The following STOX2 variants were observed in gnomAD, a reference collection of about 807,000 sequenced individuals.
The protein encoded by STOX2 is storkhead-box protein 2.
Under a neutral mutation model 60.9 loss-of-function variants are expected in STOX2, and 28 were observed. The ratio of observed to expected loss-of-function variants is 0.46; its 90% CI spans 0.34 to 0.63. The LOEUF is 0.63. Ranked by LOEUF, STOX2 falls within the 30% of genes least tolerant of loss-of-function variation. The probability of loss-of-function intolerance (pLI) is 0.01; values close to 1 mark genes in which losing one functional copy is unlikely to be tolerated. For missense variants in STOX2, 1,024 were observed against 1,187.7 expected (o/e 0.86, Z 2.03); for synonymous variants, 472 against 463.9 (o/e 1.02, Z -0.22).
chr4:183,992,123 A>G (rs1465363813), intron 1 of STOX2, among the ~76,000 whole-genome samples: 2 of 152,090 alleles, frequency 1.3e-5, no homozygotes, highest in African/African-American at 2.4e-5. Flanking sequence ...AATGACCTCC[A>G]TGGCAGTTGG....
At chr4:183,922,789 T>G (rs1313680985) in intron 1 of STOX2, among the ~76,000 whole-genome samples, 1 of 152,128 alleles carries the variant, frequency 6.6e-6, no homozygotes, top group Non-Finnish European at 1.5e-5. Flanking sequence ...ACACTAACTC[T>G]CGGTCCTCCC....
At chr4:183,937,466 C>CA in intron 1 of STOX2, among the ~76,000 whole-genome samples, 1 of 152,190 alleles carries the variant, frequency 6.6e-6, no homozygotes, top group Non-Finnish European at 1.5e-5. Context: ...GAGACCTTGG[C>CA]ACTTGCTTAG....
At chr4:183,934,627 G>A (rs909939413) in intron 1 of STOX2, among the ~76,000 whole-genome samples, 1 of 152,040 alleles carries the variant, frequency 6.6e-6, no homozygotes, top group Non-Finnish European at 1.5e-5. Flanking sequence ...TTGATTTAGA[G>A]CAGCAGTTCT....
chr4:183,858,135 C>T (rs1285305147), intron 1 of STOX2, among the ~76,000 whole-genome samples: 1 of 152,148 alleles, frequency 6.6e-6, no homozygotes, highest in Non-Finnish European at 1.5e-5. Context: ...TCAGGGGGCA[C>T]CATGCCTGAC....
chr4:184,005,297 T>TA (rs1257655191), intron 2 of STOX2, among the ~76,000 whole-genome samples: 6 of 151,818 alleles, frequency 4.0e-5, no homozygotes, highest in East Asian at 1.9e-4. Context: ...TTGTCTCTAC[T>TA]AAAAAATACA....
intron 1 of STOX2, among the ~76,000 whole-genome samples, chr4:183,799,384 T>C (rs1738709076): frequency 6.6e-6 from 1 of 152,220 alleles, no homozygotes; most frequent in Admixed American, 6.5e-5. Context: ...AGACTTAACT[T>C]GCTTTTGCCC....
chr4:183,909,186 C>T (rs865992777), intron 1 of STOX2, among the ~76,000 whole-genome samples: 69 of 152,110 alleles, frequency 4.5e-4, no homozygotes, highest in Middle Eastern at 3.2e-3. Flanking sequence ...TCATCTATTT[C>T]CTTTACAAAT....
At chr4:183,976,807 G>A (rs994169137) in intron 1 of STOX2, among the ~76,000 whole-genome samples, 1 of 152,136 alleles carries the variant, frequency 6.6e-6, no homozygotes, top group African/African-American at 2.4e-5. Context: ...GGATGTTCAC[G>A]TTTACCATTC....
Position 184,009,877 on chromosome 4 carries a change from G to A in STOX2, c.1039G>A (p.Ala347Thr). The change falls in exon 3 of 4, where the codon GCC becomes ACC. Residue 347 changes from alanine (A) to threonine (T), a missense_variant. Coordinates refer to ENST00000308497, the MANE Select transcript of STOX2 (RefSeq NM_020225.3). This position sits in a 1 kb window ranked among gnomAD's most constrained non-coding sequence, Gnocchi z 4.0. ...AGAAGAAAAGGCCCAGAGGAGTAAA[G>A]CCGGGTCCTCTGCCCATCACAGCGG... ...LEEEKAQRSK[A>T]GSSAHHSGRS... 3 of 1,611,936 alleles carry A rather than the reference G, an allele frequency of 1.9e-6. No individual in the cohort carries two copies. The highest frequency in any genetic ancestry group is 8.5e-7 in the Non-Finnish European group (1 of 1,178,994).
Position 184,010,210 on chromosome 4 carries a change from C to T in STOX2, c.1372C>T (p.Pro458Ser). ...KRRTEMPFPE[P>S]SRGSSHSKVH... ...GAGAACTGAGATGCCTTTTCCTGAA[C>T]CTTCTAGGGGAAGCTCCCACTCAAA... The change falls in exon 3 of 4, where the codon CCT becomes TCT. Residue 458 changes from proline (P) to serine (S), a missense_variant. Transcript: ENST00000308497. This position sits in a 1 kb window ranked among gnomAD's most constrained non-coding sequence, Gnocchi z 4.5. 1.3e-6 allele frequency: 2 copies of T among 1,554,734 alleles called. No individual in the cohort carries two copies. Among genetic ancestry groups the T allele is most frequent in the Non-Finnish European group, 1.7e-6 (2 of 1,148,802 alleles).
chr4:183,995,926 G>A (rs1560928748), intron 1 of STOX2, among the ~76,000 whole-genome samples: 1 of 152,160 alleles, frequency 6.6e-6, no homozygotes, highest in South Asian at 2.1e-4. Context: ...GAGGGGGTCC[G>A]TCTTCCATGC....
intron 1 of STOX2, among the ~76,000 whole-genome samples, chr4:183,845,205 G>A (rs970067423): frequency 7.9e-5 from 12 of 152,202 alleles, no homozygotes; most frequent in African/African-American, 2.9e-4. Flanking sequence ...AGAAGACGGA[G>A]AGATGGCTTC....
At position 183,948,218 on chromosome 4, in the gene STOX2, C is replaced by CAAAA. The variant is rs760286920; in HGVS notation, c.166+41285_166+41288dup. ...GGGCAACAAGAGCAAAACTCCATCT[C>CAAAA]AAAAAAAAAAAAAAAAAAAAAAAAA... On this transcript the variant is annotated intron_variant, in intron 1 of 3. Transcript: ENST00000308497. Among the ~76,000 whole-genome samples the CAAAA allele has an allele frequency of 1.6e-3, 47 of 29,864 alleles. 2 individuals are homozygous for CAAAA. The highest frequency in any genetic ancestry group is 3.5e-3 in the South Asian group (1 of 282). The allele number at this position is 29,864 out of a possible 152,430, so 19.6% of individuals were successfully genotyped here. A position where few individuals can be genotyped will look rare whatever the true frequency, so the allele number is the denominator to read the frequency against.
chr4:183,884,358 G>A (rs1053491736), intron 1 of STOX2, among the ~76,000 whole-genome samples: 4 of 151,794 alleles, frequency 2.6e-5, no homozygotes, highest in South Asian at 2.1e-4. Context: ...CCTAGGGTCC[G>A]GTTTAGTAGC....
intron 1 of STOX2, among the ~76,000 whole-genome samples, chr4:183,834,608 C>G (rs1310530174): frequency 2.0e-5 from 3 of 152,082 alleles, no homozygotes; most frequent in Non-Finnish European, 4.4e-5. Context: ...TCTATATATT[C>G]CCCAGTTGTC....
At chr4:183,873,022 GTTAC>G (rs1312436164) in intron 1 of STOX2, among the ~76,000 whole-genome samples, 2 of 152,114 alleles carry the variant, frequency 1.3e-5, no homozygotes, top group Non-Finnish European at 2.9e-5. Context: ...TTTTTAAAGT[GTTAC>G]TTACTTTTTG....
At chr4:183,996,945 T>A (rs1003761342) in intron 1 of STOX2, among the ~76,000 whole-genome samples, 1 of 152,230 alleles carries the variant, frequency 6.6e-6, no homozygotes. Flanking sequence ...TCCTTTAAGA[T>A]GACTAAGAAA....
At chr4:183,830,885 A>C (rs866266109) in intron 1 of STOX2, among the ~76,000 whole-genome samples, 2 of 151,402 alleles carry the variant, frequency 1.3e-5, no homozygotes, top group Non-Finnish European at 2.9e-5. Flanking sequence ...TGTAACAGGC[A>C]GGTCTGCATT....
chr4:183,870,060 CGTT>C (rs112096317), intron 1 of STOX2, among the ~76,000 whole-genome samples: 2 of 152,236 alleles, frequency 1.3e-5, no homozygotes, highest in African/African-American at 4.8e-5. Flanking sequence ...GCAAAAAAAT[CGTT>C]GTAAGTAGTA....
Sources: gnomAD v4.1 joint callset for allele counts (sites outside exome capture counted in the v4.1 genomes callset) on GRCh38, gnomAD v4.1.1 for gene constraint, Gnocchi (gnomAD v3.1) non-coding constraint, MANE v1.5 for transcripts, NCBI Gene and HGNC (gene_info 2026-07-23, HGNC 2026-07-21) for gene names.